Variants in RAB28 observed in about 807,000 individuals in gnomAD.
RAB28 encodes ras-related protein Rab-28.
Under a neutral mutation model 31.7 loss-of-function variants are expected in RAB28, and 24 were observed. The ratio of observed to expected loss-of-function variants is 0.76; its 90% confidence interval spans 0.55 to 1.06. The LOEUF (loss-of-function observed/expected upper bound fraction) is 1.06, where lower values mean the gene tolerates loss of function less well. Ranked by LOEUF, RAB28 falls within the 50% of genes least tolerant of loss-of-function variation. The pLI is 0.00. For missense variants in RAB28, 254 were observed against 258.5 expected (o/e 0.98, Z 0.12); for synonymous variants, 100 against 90.4 (o/e 1.11, Z -0.60).
chr4:13,474,502 T>C, intron 2 of RAB28, 96 bp from the exon 3 acceptor site: 4 of 689,596 alleles, frequency 5.8e-6, no homozygotes, highest in African/African-American at 1.9e-5. Flanking sequence ...TAAGTCACAA[T>C]AAGAAACTCT....
intron 4 of RAB28, among the ~76,000 whole-genome samples, chr4:13,431,023 A>T (rs971584456): frequency 6.6e-6 from 1 of 152,192 alleles, no homozygotes; most frequent in Non-Finnish European, 1.5e-5. Context: ...GCTAGTGGGC[A>T]TGCCTCAAAG....
chr4:13,424,259 G>A (rs1055740834), intron 4 of RAB28, among the ~76,000 whole-genome samples: 3 of 152,142 alleles, frequency 2.0e-5, no homozygotes, highest in African/African-American at 7.2e-5. Context: ...TTCAAATCAA[G>A]ATGTTGACAG....
At chr4:13,426,751 C>T (rs1005044268) in intron 4 of RAB28, among the ~76,000 whole-genome samples, 1 of 152,160 alleles carries the variant, frequency 6.6e-6, no homozygotes. Context: ...GATGAGATTA[C>T]ATTCACATTA....
chr4:13,430,527 T>C (rs1713754904), intron 4 of RAB28, among the ~76,000 whole-genome samples: 2 of 152,112 alleles, frequency 1.3e-5, no homozygotes, highest in African/African-American at 4.8e-5. Flanking sequence ...GGCAACACTA[T>C]TGGTGGCGAT....
intron 4 of RAB28, among the ~76,000 whole-genome samples, chr4:13,414,103 C>T (rs1002846202): frequency 6.6e-5 from 10 of 152,164 alleles, no homozygotes; most frequent in South Asian, 2.1e-4. Flanking sequence ...TGACAAGCCA[C>T]GCACGAGTCT....
At chr4:13,478,705 T>C (rs1035738084) in intron 2 of RAB28, among the ~76,000 whole-genome samples, 2 of 151,720 alleles carry the variant, frequency 1.3e-5, no homozygotes, top group Non-Finnish European at 3.0e-5. Context: ...TTTAAACATA[T>C]AATTTAACCA....
intron 4 of RAB28, among the ~76,000 whole-genome samples, chr4:13,423,775 T>C (rs1340708425): frequency 6.6e-6 from 1 of 152,112 alleles, no homozygotes; most frequent in Non-Finnish European, 1.5e-5. Context: ...GTAAAAGTCT[T>C]CCAACATTTC....
At chr4:13,391,494 T>C (rs1316677605) in intron 4 of RAB28, among the ~76,000 whole-genome samples, 2 of 152,230 alleles carry the variant, frequency 1.3e-5, no homozygotes, top group Non-Finnish European at 2.9e-5. Context: ...GAAGACAGTA[T>C]GGCGATTCCT....
At chr4:13,407,615 C>T (rs112370164) in intron 4 of RAB28, among the ~76,000 whole-genome samples, 5 of 152,082 alleles carry the variant, frequency 3.3e-5, no homozygotes, top group African/African-American at 9.7e-5. Context: ...GCCACTTTCG[C>T]GATATTGATT....
intron 4 of RAB28, among the ~76,000 whole-genome samples, chr4:13,387,439 T>C (rs1234752246): frequency 1.3e-5 from 2 of 152,038 alleles, no homozygotes; most frequent in Admixed American, 6.5e-5. Context: ...ACTTGTACCA[T>C]TGGAGAAATG....
At position 13,412,395 on chromosome 4, in the gene RAB28, C is replaced by T. The variant is rs16888645; in HGVS notation, c.392-30801G>A. On this transcript the variant is annotated intron_variant, in intron 4 of 6. Transcript: ENST00000330852. ...GTGGGGATCTATACACCGCAAGCAA[C>T]TATCTAATGTCAATCTGTGGCTGGG... 6.2e-3 allele frequency among the ~76,000 whole-genome samples: 948 copies of T among 152,210 alleles called. 8 individuals are homozygous for T. Among genetic ancestry groups the T allele is most frequent in the African/African-American group, 0.022 (913 of 41,524 alleles).
chr4:13,449,813 A>T (rs934419365), intron 4 of RAB28, among the ~76,000 whole-genome samples: 5 of 151,738 alleles, frequency 3.3e-5, no homozygotes, highest in Non-Finnish European at 7.4e-5. Flanking sequence ...GATAACCACC[A>T]CCCCTCCACT....
chr4:13,440,850 C>T (rs1247865121), intron 4 of RAB28, among the ~76,000 whole-genome samples: 2 of 151,596 alleles, frequency 1.3e-5, no homozygotes, highest in South Asian at 2.1e-4. Flanking sequence ...AAGGACACGA[C>T]ACATGCACAG....
In RAB28 at chr4:13,406,522, T is replaced by C. The variant is rs1317459832; in HGVS notation, c.392-24928A>G. Among the ~76,000 whole-genome samples, 8 of 152,306 alleles carry C rather than the reference T, an allele frequency of 5.3e-5. No individual in the cohort carries two copies. In the East Asian group the frequency reaches 1.4e-3, roughly 26 times the overall value. ...AGTCCTTTGGGTATATACCCAGTAA[T>C]GGAACTGCTGGGTCAAATGGTATTT... On this transcript the variant is annotated intron_variant, in intron 4 of 6. Transcript: ENST00000330852.
chr4:13,449,669 G>C (rs561887388), intron 4 of RAB28, among the ~76,000 whole-genome samples: 1 of 151,980 alleles, frequency 6.6e-6, no homozygotes, highest in Admixed American at 6.5e-5. Flanking sequence ...CATCTGTCAT[G>C]AAGATTGTTT....
chr4:13,405,941 G>A (rs1712053058), intron 4 of RAB28, among the ~76,000 whole-genome samples: 1 of 152,078 alleles, frequency 6.6e-6, no homozygotes, highest in South Asian at 2.1e-4. Context: ...ATAGAAAAAT[G>A]AGAAAACTAT....
chr4:13,443,179 G>GTT (rs200861366), intron 4 of RAB28, among the ~76,000 whole-genome samples: 8 of 145,124 alleles, frequency 5.5e-5, no homozygotes, highest in Non-Finnish European at 7.6e-5. Context: ...AATATAAATG[G>GTT]TTTTTTTTTT....
chr4:13,371,310 G>A, intron 6 of RAB28: 3 of 985,232 alleles, frequency 3.0e-6, no homozygotes, highest in Non-Finnish European at 3.6e-6. Flanking sequence ...GGGTACATCA[G>A]TGAAATATTG....
chr4:13,379,519 A>G (rs895244287), intron 5 of RAB28, among the ~76,000 whole-genome samples: 2 of 152,184 alleles, frequency 1.3e-5, no homozygotes, highest in Admixed American at 6.5e-5. Flanking sequence ...TTAAGCTCAG[A>G]AGAGAGAAAA....
Sources: allele counts gnomAD v4.1 joint callset (sites outside exome capture counted in the v4.1 genomes callset), GRCh38; gene constraint gnomAD v4.1.1; transcripts MANE v1.5; gene names NCBI Gene and HGNC (gene_info 2026-07-23, HGNC 2026-07-21).